Variants in SH2D4A observed in about 807,000 individuals in gnomAD.
SH2D4A encodes SH2 domain containing 4A.
In SH2D4A, 70 loss-of-function variants were observed where a neutral mutation model predicts 64.7. The observed-to-expected ratio is 1.08, with a 90% CI of 0.89 to 1.32. SH2D4A has a LOEUF of 1.32. SH2D4A is among the 40% of genes most tolerant of loss of function. The probability of loss-of-function intolerance (pLI) is 0.00; values close to 1 mark genes in which losing one functional copy is unlikely to be tolerated. For missense variants in SH2D4A, 706 were observed against 540.1 expected (o/e 1.31, Z -3.04); for synonymous variants, 268 against 200.7 (o/e 1.34, Z -2.83).
Position 19,395,859 on chromosome 8 carries a change from C to T in SH2D4A, c.*1217C>T, listed in dbSNP as rs1280674596. On this transcript the variant is annotated 3_prime_UTR_variant, in exon 10 of 10. Transcript: ENST00000265807. ...GACTTGTTACTATAGCCCCAGAAAG[C>T]TAATACAGTCGTTTATGTAATTACA... The T allele has an allele frequency of 1.3e-5, 2 of 152,196 alleles. No homozygotes were observed. Among genetic ancestry groups the T allele is most frequent in the Non-Finnish European group, 2.9e-5 (2 of 68,048 alleles). 9.4% of individuals were successfully genotyped at this position (152,196 alleles called of 1,614,324 possible).
intron 2 of SH2D4A, among the ~76,000 whole-genome samples, chr8:19,325,581 A>C (rs1200296349): frequency 6.6e-6 from 1 of 152,074 alleles, no homozygotes; most frequent in Non-Finnish European, 1.5e-5. Flanking sequence ...TAACACTGTC[A>C]ACTTCCTTGA....
At position 19,357,219 on chromosome 8, in the gene SH2D4A, C is replaced by T; in HGVS notation, c.530C>T (p.Ser177Leu). 6.2e-7 allele frequency: 1 copy of T among 1,613,748 alleles called. No homozygotes were observed. The highest frequency in any genetic ancestry group is 8.5e-7 in the Non-Finnish European group (1 of 1,179,612). The change falls in exon 5 of 10, where the codon TCA (serine) becomes TTA (leucine). Residue 177 changes from serine (S) to leucine (L), a missense_variant. Coordinates refer to ENST00000265807, the MANE Select transcript of SH2D4A (RefSeq NM_022071.4). ...EEKIRSLSSSSRNIQQMLADS... is the reference protein window; with the variant it reads ...EEKIRSLSSSLRNIQQMLADS... ...AATTTTTAGTCACTCTCCAGTTCTTCAAGAAATATTCAACAAATGTTGGCA... is the reference window on the plus strand; with the variant it reads ...AATTTTTAGTCACTCTCCAGTTCTTTAAGAAATATTCAACAAATGTTGGCA...
rs1329848839 is a variant in SH2D4A, at chr8:19,335,567, A to G, written c.513+710A>G. ...CATGCCATCTTTGTCACAGCTATAC[A>G]CAAATGAATGAGCATGGCTGTGTTC... On this transcript the variant is annotated intron_variant, in intron 4 of 9. Transcript: ENST00000265807. 2.6e-5 allele frequency among the ~76,000 whole-genome samples: 4 copies of G among 152,322 alleles called. No homozygotes were observed. In the East Asian group the frequency reaches 7.7e-4, roughly 29 times the overall value.
chr8:19,331,512 G>A (rs1297260258), intron 2 of SH2D4A, among the ~76,000 whole-genome samples: 4 of 152,160 alleles, frequency 2.6e-5, no homozygotes, highest in Non-Finnish European at 4.4e-5. Flanking sequence ...GAGCATGACC[G>A]ATGTGGCCGC....
intron 4 of SH2D4A, among the ~76,000 whole-genome samples, chr8:19,343,822 A>C (rs2052567980): frequency 6.6e-6 from 1 of 152,190 alleles, no homozygotes; most frequent in African/African-American, 2.4e-5. Flanking sequence ...AGCAGCAGTG[A>C]GTGCTCTGTA....
intron 1 of SH2D4A, among the ~76,000 whole-genome samples, chr8:19,318,845 T>C (rs2052134156): frequency 6.6e-6 from 1 of 152,240 alleles, no homozygotes; most frequent in Non-Finnish European, 1.5e-5. Context: ...GGTCTAGTTT[T>C]TATTTCTTCC....
At chr8:19,386,513 G>A (rs2053394337) in intron 8 of SH2D4A, among the ~76,000 whole-genome samples, 1 of 152,188 alleles carries the variant, frequency 6.6e-6, no homozygotes, top group South Asian at 2.1e-4. Flanking sequence ...ACTATCAGAG[G>A]ATGGCAGTGG....
chr8:19,392,032 T>C (rs1451482683), intron 8 of SH2D4A, among the ~76,000 whole-genome samples: 4 of 152,096 alleles, frequency 2.6e-5, no homozygotes, highest in Non-Finnish European at 4.4e-5. Context: ...CTTTCCAAGA[T>C]GCGTTTCTAC....
intron 7 of SH2D4A, among the ~76,000 whole-genome samples, chr8:19,368,785 C>T (rs961688326): frequency 6.6e-6 from 1 of 152,072 alleles, no homozygotes; most frequent in Non-Finnish European, 1.5e-5. Context: ...TGCAAACAGA[C>T]AATTTGAGTT....
At chr8:19,351,544 A>G (rs2052705311) in intron 4 of SH2D4A, among the ~76,000 whole-genome samples, 1 of 152,040 alleles carries the variant, frequency 6.6e-6, no homozygotes, top group South Asian at 2.1e-4. Flanking sequence ...CGGAGCTTGC[A>G]GTGAGCTGAG....
chr8:19,365,943 T>G (rs954392873), intron 7 of SH2D4A, among the ~76,000 whole-genome samples: 1 of 152,140 alleles, frequency 6.6e-6, no homozygotes, highest in African/African-American at 2.4e-5. Flanking sequence ...GGGAAGTAAA[T>G]ATTATAGGAT....
chr8:19,358,521 G>A (rs1219689493), intron 5 of SH2D4A, among the ~76,000 whole-genome samples: 2 of 152,158 alleles, frequency 1.3e-5, no homozygotes, highest in Non-Finnish European at 2.9e-5. Flanking sequence ...GAAGGAAAGA[G>A]GGAAGGAGCA....
Position 19,334,811 on chromosome 8 carries a change from A to G in SH2D4A, c.467A>G (p.Glu156Gly), listed in dbSNP as rs760731401. The G allele has an allele frequency of 1.2e-6, 2 of 1,614,076 alleles. No individual in the cohort carries two copies. The highest frequency in any genetic ancestry group is 3.3e-5 in the Admixed American group (2 of 59,994). Residue 156 changes from glutamate to glycine, a missense_variant, in exon 4 of 10, where the codon GAG becomes GGG. Physicochemically the swap from Glu to Gly is moderately conservative, Grantham distance 98. Coordinates refer to ENST00000265807, the MANE Select transcript of SH2D4A (RefSeq NM_022071.4). Reference protein sequence around the residue: ...WKKVAEKEELEQGSRPAPTLE... With the variant: ...WKKVAEKEELGQGSRPAPTLE... The stretch of plus-strand genomic sequence containing the variant: ...AAAGTGGCAGAAAAGGAGGAACTGG[A>G]GCAAGGATCGAGGCCAGCACCAACC...
chr8:19,345,139 C>G (rs759324154), intron 4 of SH2D4A, among the ~76,000 whole-genome samples: 2 of 152,180 alleles, frequency 1.3e-5, no homozygotes, highest in African/African-American at 4.8e-5. Context: ...AGCCCAGGTG[C>G]AGGTACTTCC....
intron 8 of SH2D4A, among the ~76,000 whole-genome samples, chr8:19,378,153 G>T (rs1410720162): frequency 1.3e-5 from 2 of 152,034 alleles, no homozygotes; most frequent in South Asian, 4.2e-4. Flanking sequence ...TGACCTATAG[G>T]ATTTTACATA....
intron 2 of SH2D4A, 119 bp downstream of exon 2, chr8:19,319,847 C>A: frequency 2.9e-6 from 3 of 1,023,300 alleles, no homozygotes; most frequent in African/African-American, 1.6e-5. Context: ...CAGATGAATC[C>A]TAAATGTTAT....
chr8:19,380,305 C>T (rs535013551), intron 8 of SH2D4A, among the ~76,000 whole-genome samples: 15 of 152,166 alleles, frequency 9.9e-5, no homozygotes, highest in Admixed American at 2.0e-4. Flanking sequence ...AAAATATTTT[C>T]GCCTGTTTTA....
chr8:19,351,273 C>T (rs887662219), intron 4 of SH2D4A, among the ~76,000 whole-genome samples: 4 of 152,136 alleles, frequency 2.6e-5, no homozygotes, highest in Non-Finnish European at 5.9e-5. Flanking sequence ...CACTGATTCT[C>T]AGAGTATTTG....
At chr8:19,378,054 C>G (rs1161684081) in intron 8 of SH2D4A, among the ~76,000 whole-genome samples, 1 of 152,110 alleles carries the variant, frequency 6.6e-6, no homozygotes, top group African/African-American at 2.4e-5. Flanking sequence ...TGAGACTGAG[C>G]TCATATATTA....
Sources: allele counts gnomAD v4.1 joint callset (sites outside exome capture counted in the v4.1 genomes callset), GRCh38; gene constraint gnomAD v4.1.1; transcripts MANE v1.5; gene names NCBI Gene and HGNC (gene_info 2026-07-23, HGNC 2026-07-21).